The following KLHL29 variants were observed in gnomAD, a reference collection of about 807,000 sequenced individuals.
KLHL29 encodes the protein kelch like family member 29, also known as kelch-like protein 29.
In KLHL29, 21 loss-of-function variants were observed where a neutral mutation model predicts 80.4. The observed-to-expected ratio is 0.26, with a 90% CI of 0.19 to 0.38. The LOEUF (loss-of-function observed/expected upper bound fraction) is 0.38. Among genes scored for constraint, KLHL29 ranks in the 10% least tolerant of loss-of-function variants. The probability of loss-of-function intolerance (pLI) is 1.00; values close to 1 mark genes in which losing one functional copy is unlikely to be tolerated. For synonymous variants in KLHL29, 511 were observed against 526.8 expected (o/e 0.97, Z 0.41); for missense variants, 867 against 1,223.9 (o/e 0.71, Z 4.35).
chr2:23,557,095 GA>G (rs1667317301), intron 2 of KLHL29, among the ~76,000 whole-genome samples: 1 of 152,194 alleles, frequency 6.6e-6, no homozygotes, highest in Non-Finnish European at 1.5e-5. Flanking sequence ...CCTTGACAAG[GA>G]AGCTTTGTGA....
intron 1 of KLHL29, among the ~76,000 whole-genome samples, chr2:23,395,583 A>G (rs1368041880): frequency 1.3e-5 from 2 of 152,088 alleles, no homozygotes; most frequent in African/African-American, 4.8e-5. Context: ...GGTCTCTACC[A>G]AAGCTACAAA....
At chr2:23,392,131 C>T (rs1030404362) in intron 1 of KLHL29, among the ~76,000 whole-genome samples, 1 of 152,200 alleles carries the variant, frequency 6.6e-6, no homozygotes, top group Non-Finnish European at 1.5e-5. Context: ...CATAAACCCA[C>T]ATTACAGTGG....
intron 3 of KLHL29, among the ~76,000 whole-genome samples, chr2:23,619,553 G>A (rs1164908083): frequency 2.6e-5 from 4 of 152,196 alleles, no homozygotes; most frequent in Non-Finnish European, 5.9e-5. Context: ...CTGTGCCCAT[G>A]ATAACAGCAG....
At chr2:23,526,032 GC>G (rs2103473983) in intron 2 of KLHL29, among the ~76,000 whole-genome samples, 1 of 152,336 alleles carries the variant, frequency 6.6e-6, no homozygotes, top group African/African-American at 2.4e-5. Context: ...TGGATGTTGG[GC>G]CCTAATGTTT....
In KLHL29 at chr2:23,503,775, A is replaced by G. The variant is rs1339828291; in HGVS notation, c.-46+28108A>G. On this transcript the variant is annotated intron_variant, in intron 2 of 13. Transcript: ENST00000486442. The surrounding 1 kb of genome is among the most constrained non-coding windows in gnomAD (Gnocchi z 4.0). Reference sequence around the variant, plus strand: ...CCAGCGAAGGAGGAAGGAAACACAGACAGGAGGTCTCAGAGCACAGCACGC... The same window carrying G: ...CCAGCGAAGGAGGAAGGAAACACAGGCAGGAGGTCTCAGAGCACAGCACGC... Among the ~76,000 whole-genome samples, 2 of 152,252 alleles carry G rather than the reference A, an allele frequency of 1.3e-5. No homozygotes were observed. Among genetic ancestry groups the G allele is most frequent in the East Asian group, 3.8e-4 (2 of 5,204 alleles).
At chr2:23,634,529 C>A (rs754646801) in intron 3 of KLHL29, among the ~76,000 whole-genome samples, 101 of 152,150 alleles carry the variant, frequency 6.6e-4, no homozygotes, top group Non-Finnish European at 1.3e-3. Flanking sequence ...CATCCTTGGG[C>A]AAACAGTGGA....
intron 3 of KLHL29, among the ~76,000 whole-genome samples, chr2:23,564,094 A>G (rs571726589): frequency 1.3e-5 from 2 of 152,326 alleles, no homozygotes; most frequent in East Asian, 3.9e-4. Context: ...TCCAGGTGGG[A>G]GAGAGAGGCT....
intron 3 of KLHL29, among the ~76,000 whole-genome samples, chr2:23,583,908 T>C (rs1486977142): frequency 6.6e-6 from 1 of 152,188 alleles, no homozygotes; most frequent in African/African-American, 2.4e-5. Flanking sequence ...CTTGTTGTAA[T>C]TGAAAGGAGA....
intron 1 of KLHL29, among the ~76,000 whole-genome samples, chr2:23,420,858 C>A (rs1662778954): frequency 6.6e-6 from 1 of 151,992 alleles, no homozygotes; most frequent in African/African-American, 2.4e-5. Context: ...CTTTCCGCCA[C>A]CCCCCCACCC....
chr2:23,465,716 G>T (rs540634557), intron 1 of KLHL29, among the ~76,000 whole-genome samples: 11 of 152,270 alleles, frequency 7.2e-5, no homozygotes, highest in Admixed American at 7.2e-4. Context: ...GAGCCCAAAT[G>T]AAGACATTTG....
chr2:23,435,899 C>CTTT (rs769975340), intron 1 of KLHL29, among the ~76,000 whole-genome samples: 8 of 135,426 alleles, frequency 5.9e-5, no homozygotes, highest in African/African-American at 1.1e-4. Context: ...CTCTCTCTCT[C>CTTT]TTTTTTTTTT....
chr2:23,386,258 C>T lies in KLHL29; in HGVS notation c.-154+478C>T, dbSNP rs568103132. ...GCGCACTGTCCTTTGGGGAGGTGCG[C>T]GCCTCTGTGCAGCGAGAAGCCAGGT... On this transcript the variant is annotated intron_variant, in intron 1 of 13. Transcript: ENST00000486442. Among the ~76,000 whole-genome samples the T allele has an allele frequency of 1.4e-3, 206 of 152,212 alleles. 2 individuals carry two copies. The highest frequency in any genetic ancestry group is 1.9e-3 in the Non-Finnish European group (131 of 67,986).
In KLHL29 at chr2:23,399,698, A is replaced by G. The variant is rs545882298; in HGVS notation, c.-154+13918A>G. On this transcript the variant is annotated intron_variant, in intron 1 of 13. Transcript: ENST00000486442. ...TGCATGATGAACCTGTGTAACTTTC[A>G]TCACCCCAGAAAGTTCCCTCCTGCC... Among the ~76,000 whole-genome samples, 5 of 152,324 alleles carry G rather than the reference A, an allele frequency of 3.3e-5. No homozygotes were observed. In the South Asian group the frequency reaches 1.0e-3, roughly 32 times the overall value.
Position 23,432,261 on chromosome 2 carries a change from ATAAT to A in KLHL29, c.-153-43294_-153-43291del, listed in dbSNP as rs144123900. On this transcript the variant is annotated intron_variant, in intron 1 of 13. Coordinates refer to ENST00000486442, the MANE Select transcript of KLHL29 (RefSeq NM_052920.2). ...ATTCGTCCTTGTTAAATAGTATTTA[ATAAT>A]TAATAATGCCAAAGCATTGATTGAC... Among the ~76,000 whole-genome samples the A allele has an allele frequency of 2.2e-3, 341 of 152,382 alleles. 1 individual carries two copies. The highest frequency in any genetic ancestry group is 7.8e-3 in the African/African-American group (323 of 41,588).
At chr2:23,397,524 G>A (rs982448315) in intron 1 of KLHL29, among the ~76,000 whole-genome samples, 23 of 152,298 alleles carry the variant, frequency 1.5e-4, no homozygotes, top group East Asian at 1.2e-3. Context: ...CCTGGTCTCC[G>A]GAAACATTTT....
rs1299612565 is a variant in KLHL29, at chr2:23,410,175, G to A, written c.-154+24395G>A. On this transcript the variant is annotated intron_variant, in intron 1 of 13. Coordinates refer to ENST00000486442, the MANE Select transcript of KLHL29 (RefSeq NM_052920.2). Reference sequence around the variant, plus strand: ...ACTGGCTGACTGTTTTTAAGCAAGGGAATGGCATTCTGCAAAGACAGCCCT... The same window carrying A: ...ACTGGCTGACTGTTTTTAAGCAAGGAAATGGCATTCTGCAAAGACAGCCCT... Among the ~76,000 whole-genome samples the A allele has an allele frequency of 5.9e-5, 9 of 152,188 alleles. No individual in the cohort carries two copies. In the East Asian group the frequency reaches 1.7e-3, roughly 29 times the overall value.
intron 1 of KLHL29, among the ~76,000 whole-genome samples, chr2:23,454,966 G>A (rs1664002526): frequency 7.3e-6 from 1 of 136,658 alleles, no homozygotes; most frequent in South Asian, 2.8e-4. Context: ...GCTGTCAGCT[G>A]AATTTGACAA....
chr2:23,554,293 A>G (rs1667223571), intron 2 of KLHL29, among the ~76,000 whole-genome samples: 1 of 152,262 alleles, frequency 6.6e-6, no homozygotes, highest in Admixed American at 6.5e-5. Flanking sequence ...AAAATAATAA[A>G]GACAAGCACA....
rs1028424833 is a variant in KLHL29, at chr2:23,642,489, G to A, written c.579G>A (p.Val193=). 18 of 1,517,302 alleles carry A rather than the reference G, an allele frequency of 1.2e-5. No homozygotes were observed. Among genetic ancestry groups the A allele is most frequent in the Admixed American group, 4.1e-5 (2 of 48,420 alleles). The allele number at this position is 1,517,302 out of a possible 1,614,324, so 94.0% of individuals were successfully genotyped here. The part of the protein sequence containing the change: ...IGVTPSLPPH[V]GPQLPLMPGH... ...TGACCCCCTCACTGCCTCCCCACGT[G>A]GGGCCCCAGCTCCCGCTGATGCCAG... Residue 193 remains valine, a synonymous_variant, in exon 5 of 14, where the codon GTG becomes GTA. Transcript: ENST00000486442.
Sources: allele counts gnomAD v4.1 joint callset (sites outside exome capture counted in the v4.1 genomes callset), GRCh38; gene constraint gnomAD v4.1.1; non-coding constraint Gnocchi (gnomAD v3.1); transcripts MANE v1.5; gene names NCBI Gene and HGNC (gene_info 2026-07-23, HGNC 2026-07-21).